IDUA: variants seen among roughly 807,000 people sequenced by gnomAD.
IDUA encodes iduronidase alpha-L-.
IDUA carries 65 observed loss-of-function variants against 68.9 expected under a neutral mutation model. The observed-to-expected ratio is 0.94, with a 90% CI of 0.77 to 1.16. The LOEUF (loss-of-function observed/expected upper bound fraction) is 1.16, where lower values mean the gene tolerates loss of function less well. Among genes scored for constraint, IDUA ranks in the 50% most tolerant of loss-of-function variants. The pLI, the probability that IDUA is intolerant of heterozygous loss-of-function variation, is 0.00. For synonymous variants in IDUA, 529 were observed against 433.6 expected, an observed-to-expected ratio of 1.22 and a Z score of -2.73; for missense variants, 1,046 against 938.0, an observed-to-expected ratio of 1.12 and a Z score of -1.50.
intron 2 of IDUA, among the ~76,000 whole-genome samples, chr4:993,632 G>T (rs534122983): frequency 2.6e-4 from 31 of 119,462 alleles, no homozygotes; most frequent in Non-Finnish European, 5.5e-4. Flanking sequence ...CGGCCCTGCC[G>T]GGGGGGCTTA....
chr4:990,354 C>A, intron 2 of IDUA: 1 of 1,598,660 alleles, frequency 6.3e-7, no homozygotes, highest in Non-Finnish European at 8.5e-7. Context: ...GGAGGACGCC[C>A]ATGAGGACCT....
chr4:1,000,363 G>A (rs371153113), intron 2 of IDUA, among the ~76,000 whole-genome samples: 12 of 152,332 alleles, frequency 7.9e-5, no homozygotes, highest in African/African-American at 2.2e-4. Context: ...GAGCCATTCC[G>A]AACCCCCACC....
At position 993,860 on chromosome 4, in the gene IDUA, G is replaced by A. The variant is rs1372066493; in HGVS notation, c.299+5911G>A. ...ACAGCCGGCTCAGCCCAAGGCTGCC[G>A]GTGCGTGCATATGCGTGTGTGCTCG... On this transcript the variant is annotated intron_variant, in intron 2 of 13. Coordinates refer to ENST00000514224, the MANE Select transcript of IDUA (RefSeq NM_000203.5). Among the ~76,000 whole-genome samples, 8 of 152,336 alleles carry A rather than the reference G, an allele frequency of 5.3e-5. No homozygotes were observed. The South Asian group carries it at 8.3e-4, about 16-fold the overall frequency.
chr4:988,773 G>T, intron 2 of IDUA: 1 of 1,463,272 alleles, frequency 6.8e-7, no homozygotes, highest in Admixed American at 2.5e-5. Flanking sequence ...GCAGTGGCTT[G>T]CAGACGTCTG....
chr4:988,752 G>A (rs1713950695), intron 2 of IDUA: 11 of 1,438,026 alleles, frequency 7.6e-6, no homozygotes, highest in Non-Finnish European at 1.0e-5. Flanking sequence ...TCCTCCCTGG[G>A]AAGGGTCTCA....
chr4:991,907 G>C lies in IDUA; in HGVS notation c.299+3958G>C, dbSNP rs773830268. The C allele has an allele frequency of 1.2e-5, 13 of 1,059,606 alleles. No individual in the cohort carries two copies. The South Asian group carries it at 1.4e-4, about 11-fold the overall frequency. The allele number at this position is 1,059,606 out of a possible 1,614,324, so 65.6% of individuals were successfully genotyped here. On this transcript the variant is annotated intron_variant, in intron 2 of 13. Transcript: ENST00000514224. Reference sequence around the variant, plus strand: ...AGCCCCCTGCCCGGTATGGATGGACGCTGGGCCCTGCTGGATCCAGAATCC... The same window carrying C: ...AGCCCCCTGCCCGGTATGGATGGACCCTGGGCCCTGCTGGATCCAGAATCC...
chr4:990,390 A>G lies in IDUA; in HGVS notation c.299+2441A>G. The G allele has an allele frequency of 2.6e-6, 4 of 1,551,820 alleles. No individual in the cohort carries two copies. In the South Asian group the frequency reaches 4.8e-5, roughly 19 times the overall value. ...GTGGACGGAGTGCGGTCAGGCCAGC[A>G]GGCGCCTGGCGGGAGCCACCTGCCC... is the stretch of plus-strand genomic sequence containing the variant. On this transcript the variant is annotated intron_variant, in intron 2 of 13. Transcript: ENST00000514224.
chr4:996,972 AC>A (rs1364640687), intron 2 of IDUA, among the ~76,000 whole-genome samples: 2 of 150,868 alleles, frequency 1.3e-5, no homozygotes, highest in African/African-American at 2.4e-5. Flanking sequence ...TCCCTCCTGA[AC>A]CCCCCTCCCG....
chr4:1,002,087 G>A lies in IDUA; in HGVS notation c.898G>A (p.Ala300Thr), dbSNP rs121965030. The A allele has an allele frequency of 8.2e-6, 13 of 1,580,370 alleles. No individual in the cohort carries two copies. Among genetic ancestry groups the A allele is most frequent in the Non-Finnish European group, 1.1e-5 (13 of 1,164,504 alleles). Residue 300 changes from alanine to threonine, a missense_variant, in exon 7 of 14, where the codon GCG becomes ACG. Coordinates refer to ENST00000514224, the MANE Select transcript of IDUA (RefSeq NM_000203.5). ...FADTPIYNDE[A>T]DPLVGWSLPQ... ...GGACACCCCCATTTACAACGACGAG[G>A]CGGACCCGCTGGTGGGCTGGTCCCT...
chr4:1,003,663 T>C, intron 12 of IDUA, 38 bp downstream of exon 12: 1 of 1,600,256 alleles, frequency 6.2e-7, no homozygotes, highest in Non-Finnish European at 8.6e-7. Flanking sequence ...TGCCTGGTCC[T>C]AGGCAGGTCC....
rs1288056958 is a variant in IDUA, at chr4:1,001,685, T to C, written c.596T>C (p.Leu199Pro). 1.1e-5 allele frequency: 17 copies of C among 1,601,496 alleles called. No homozygotes were observed. The highest frequency in any genetic ancestry group is 1.4e-5 in the Non-Finnish European group (17 of 1,179,012). ...DNVSMTMQGF[L>P]NYYDACSEGL... Reference sequence around the variant, plus strand: ...CAGTGCTCCCCCGGCCCAGGCTTCCTGAACTACTACGATGCCTGCTCGGAG... The same window carrying C: ...CAGTGCTCCCCCGGCCCAGGCTTCCCGAACTACTACGATGCCTGCTCGGAG... Residue 199 changes from leucine (L) to proline (P), a missense_variant, in exon 6 of 14, where the codon CTG (leucine) becomes CCG (proline). Physicochemically the swap from Leu to Pro is moderately conservative, Grantham distance 98. Coordinates refer to ENST00000514224, the MANE Select transcript of IDUA (RefSeq NM_000203.5).
intron 2 of IDUA, chr4:988,580 T>G: frequency 1.5e-6 from 2 of 1,339,078 alleles, no homozygotes; most frequent in Non-Finnish European, 1.9e-6. Flanking sequence ...GGACGGTGCA[T>G]TGGGGCCCAG....
rs75074269 is a variant in IDUA, at chr4:994,131, G to A, written c.299+6182G>A. Reference sequence around the variant, plus strand: ...ATTAGGCCCACACGTGAAAATAAGGGTAAGCTGCTTTTTAAAAGGAATTAT... The same window carrying A: ...ATTAGGCCCACACGTGAAAATAAGGATAAGCTGCTTTTTAAAAGGAATTAT... On this transcript the variant is annotated intron_variant, in intron 2 of 13. Coordinates refer to ENST00000514224, the MANE Select transcript of IDUA (RefSeq NM_000203.5). Among the ~76,000 whole-genome samples, 1,059 of 152,272 alleles carry A rather than the reference G, an allele frequency of 7.0e-3. 18 individuals carry two copies. Among genetic ancestry groups the A allele is most frequent in the African/African-American group, 0.023 (976 of 41,548 alleles).
intron 12 of IDUA, 165 bp from the exon 13 acceptor site, chr4:1,003,847 C>T: frequency 1.2e-6 from 1 of 803,456 alleles, no homozygotes; most frequent in Admixed American, 1.9e-5. Flanking sequence ...GACATTCGGG[C>T]TCCAGCCCTC....
intron 6 of IDUA, 22 bp downstream of exon 6, chr4:1,001,903 G>A: frequency 3.2e-6 from 5 of 1,570,106 alleles, no homozygotes; most frequent in Non-Finnish European, 4.3e-6. Flanking sequence ...CCCTCCGTCC[G>A]CCCCGGTGTT....
In IDUA at chr4:1,000,937, G is replaced by A. The variant is rs2153021713; in HGVS notation, c.441G>A (p.Gln147=). Residue 147 remains glutamine (Q), a synonymous_variant, in exon 4 of 14, where the codon CAG becomes CAA. Coordinates refer to ENST00000514224, the MANE Select transcript of IDUA (RefSeq NM_000203.5). ...ACTTCACTGACTTTGAGGACAAGCAGCAGGTGTTTGAGTGGAAGGACTTGG... is the reference window on the plus strand; with the variant it reads ...ACTTCACTGACTTTGAGGACAAGCAACAGGTGTTTGAGTGGAAGGACTTGG... ...SGHFTDFEDK[Q]QVFEWKDLVS... is the part of the protein sequence containing the mutation. 1.2e-6 allele frequency: 2 copies of A among 1,613,544 alleles called. No homozygotes were observed. The highest frequency in any genetic ancestry group is 1.7e-6 in the Non-Finnish European group (2 of 1,179,958).
In IDUA at chr4:1,004,398, G is replaced by A; in HGVS notation, c.*5G>A. ...CCATCCCCGGGCAATCCATGAGCCT[G>A]TGCTGAGCCCCAGTGGGTTGCACCT... On this transcript the variant is annotated 3_prime_UTR_variant, in exon 14 of 14. Transcript: ENST00000514224. This position sits in a 1 kb window ranked among gnomAD's most constrained non-coding sequence, Gnocchi z 5.0. 3 of 1,609,974 alleles carry A rather than the reference G, an allele frequency of 1.9e-6. No individual in the cohort carries two copies. The highest frequency in any genetic ancestry group is 2.5e-6 in the Non-Finnish European group (3 of 1,179,952).
Position 1,003,787 on chromosome 4 carries a change from G to A in IDUA, c.1727+162G>A, listed in dbSNP as rs1715275363. ...CTTCACCCCACACACTGTGGGCCAC[G>A]CGCCAGGCCCTGCCAGTGGGGTGTG... On this transcript the variant is annotated intron_variant, in intron 12 of 13. Coordinates refer to ENST00000514224, the MANE Select transcript of IDUA (RefSeq NM_000203.5). 1.0e-5 allele frequency: 9 copies of A among 859,798 alleles called. 1 individual carries two copies. In the South Asian group the frequency reaches 1.2e-4, roughly 11 times the overall value. 53.3% of individuals were successfully genotyped at this position (859,798 alleles called of 1,614,324 possible). A position where few individuals can be genotyped will look rare whatever the true frequency, so the allele number is the denominator to read the frequency against.
Position 1,002,113 on chromosome 4 carries a change from G to C in IDUA, c.924G>C (p.Leu308=), listed in dbSNP as rs760198221. The C allele has an allele frequency of 7.0e-6, 11 of 1,571,364 alleles. No individual in the cohort carries two copies. Among genetic ancestry groups the C allele is most frequent in the Non-Finnish European group, 7.8e-6 (9 of 1,159,212 alleles). The part of the protein sequence containing the change: ...DEADPLVGWS[L]PQPWRADVTY... ...CGGACCCGCTGGTGGGCTGGTCCCT[G>C]CCACAGCCGTGGAGGGCGGACGTGA... Residue 308 remains leucine, a synonymous_variant, in exon 7 of 14, where the codon CTG becomes CTC. Transcript: ENST00000514224.
Sources: allele counts gnomAD v4.1 joint callset (sites outside exome capture counted in the v4.1 genomes callset), GRCh38; gene constraint gnomAD v4.1.1; non-coding constraint Gnocchi (gnomAD v3.1); transcripts MANE v1.5; gene names NCBI Gene and HGNC (gene_info 2026-07-23, HGNC 2026-07-21).